GABRA4: variants seen among roughly 807,000 people sequenced by gnomAD.
GABRA4 encodes gamma-aminobutyric acid type A receptor subunit alpha4, also known as gamma-aminobutyric acid receptor subunit alpha-4.
Under a neutral mutation model 49.7 loss-of-function variants are expected in GABRA4, and 12 were observed. That is an observed-to-expected ratio of 0.24 (90% CI 0.15 to 0.39). GABRA4 has a LOEUF of 0.39. Ranked by LOEUF, GABRA4 falls within the 10% of genes least tolerant of loss-of-function variation. The pLI is 1.00. For missense variants in GABRA4, 506 were observed against 686.0 expected (o/e 0.74, Z 2.93); for synonymous variants, 288 against 240.2 (o/e 1.20, Z -1.84).
intron 7 of GABRA4, among the ~76,000 whole-genome samples, chr4:46,965,614 A>T (rs565701068): frequency 1.3e-5 from 2 of 151,092 alleles, no homozygotes; most frequent in Admixed American, 6.6e-5. Flanking sequence ...GACTCAACAG[A>T]CACACACCTC....
intron 8 of GABRA4, among the ~76,000 whole-genome samples, chr4:46,951,332 G>T (rs997591787): frequency 2.0e-5 from 3 of 150,568 alleles, no homozygotes; most frequent in Non-Finnish European, 3.0e-5. Flanking sequence ...ATTTTACAAA[G>T]ACTACATTGT....
At chr4:46,944,150 G>A (rs761456875) in intron 8 of GABRA4, among the ~76,000 whole-genome samples, 1 of 152,042 alleles carries the variant, frequency 6.6e-6, no homozygotes, top group Admixed American at 6.6e-5. Flanking sequence ...ACACAAAAAA[G>A]TATCTATGTT....
At chr4:46,930,836 C>A (rs6839457) in intron 8 of GABRA4, among the ~76,000 whole-genome samples, 127 of 141,646 alleles carry the variant, frequency 9.0e-4, no homozygotes, top group Non-Finnish European at 1.3e-3. Flanking sequence ...AAAACAAATG[C>A]AAAAAAAAAA....
rs1380283079 is a variant in GABRA4, at chr4:46,925,234, G to T, written c.*2991C>A. On this transcript the variant is annotated 3_prime_UTR_variant, in exon 9 of 9. Transcript: ENST00000264318. ...TGACTCATTTCATCAAAAAAAGTGT[G>T]ACTCTACTCTCTACCTACTTTAATA... The T allele has an allele frequency of 6.6e-6, 1 of 151,842 alleles. No individual in the cohort carries two copies. Among genetic ancestry groups the T allele is most frequent in the Non-Finnish European group, 1.5e-5 (1 of 67,856 alleles). The allele number at this position is 151,842 out of a possible 1,614,324, so 9.4% of individuals were successfully genotyped here. A position where few individuals can be genotyped will look rare whatever the true frequency, so the allele number is the denominator to read the frequency against.
intron 8 of GABRA4, among the ~76,000 whole-genome samples, chr4:46,941,567 C>T (rs188338053): frequency 4.6e-5 from 7 of 152,046 alleles, no homozygotes; most frequent in Non-Finnish European, 4.4e-5. Flanking sequence ...CTGTAGATGG[C>T]CCCTGTCAGG....
At chr4:46,932,916 T>C (rs962296887) in intron 8 of GABRA4, among the ~76,000 whole-genome samples, 3 of 152,154 alleles carry the variant, frequency 2.0e-5, no homozygotes, top group African/African-American at 7.2e-5. Flanking sequence ...TTTTGACAGT[T>C]GGAAAACTAT....
chr4:46,962,817 A>G (rs1722624073), intron 8 of GABRA4, among the ~76,000 whole-genome samples: 1 of 151,794 alleles, frequency 6.6e-6, no homozygotes, highest in Admixed American at 6.6e-5. Context: ...ACCTAAGCAA[A>G]CCCATTTTCA....
At chr4:46,936,677 G>A (rs1427284239) in intron 8 of GABRA4, among the ~76,000 whole-genome samples, 1 of 152,156 alleles carries the variant, frequency 6.6e-6, no homozygotes, top group African/African-American at 2.4e-5. Context: ...ATGTCATTAT[G>A]TATGAAAAGA....
intron 8 of GABRA4, among the ~76,000 whole-genome samples, chr4:46,941,392 G>T (rs1721784648): frequency 6.6e-6 from 1 of 151,958 alleles, no homozygotes; most frequent in African/African-American, 2.4e-5. Context: ...TGTGCTTAAG[G>T]TTTCTCCTGA....
chr4:46,935,764 C>T (rs1399602090), intron 8 of GABRA4, among the ~76,000 whole-genome samples: 1 of 151,998 alleles, frequency 6.6e-6, no homozygotes, highest in Admixed American at 6.6e-5. Flanking sequence ...ACGTGTATAC[C>T]TATGTAACAA....
At chr4:46,965,561 A>C (rs529364394) in intron 7 of GABRA4, among the ~76,000 whole-genome samples, 2 of 151,888 alleles carry the variant, frequency 1.3e-5, no homozygotes, top group Non-Finnish European at 2.9e-5. Context: ...CGCACGTAGC[A>C]CACAGTGGGA....
chr4:46,943,894 T>G (rs946972040), intron 8 of GABRA4, among the ~76,000 whole-genome samples: 2 of 152,144 alleles, frequency 1.3e-5, no homozygotes, highest in African/African-American at 4.8e-5. Context: ...TCAGGGCTTT[T>G]AGGGTATCCA....
chr4:46,959,468 T>C (rs1429850454), intron 8 of GABRA4, among the ~76,000 whole-genome samples: 2 of 151,932 alleles, frequency 1.3e-5, no homozygotes, highest in African/African-American at 4.8e-5. Context: ...CACAACCAAA[T>C]TTGATCTTCT....
chr4:46,978,687 C>CAAAAAAAAAAAAAA (rs71193889), intron 3 of GABRA4, among the ~76,000 whole-genome samples: 49 of 21,542 alleles, frequency 2.3e-3, no homozygotes, highest in Admixed American at 4.1e-3. Context: ...AACTTCATCT[C>CAAAAAAAAAAAAAA]AAAAAAAAAA....
chr4:46,953,396 T>C (rs1409086481), intron 8 of GABRA4, among the ~76,000 whole-genome samples: 2 of 152,166 alleles, frequency 1.3e-5, no homozygotes, highest in African/African-American at 2.4e-5. Flanking sequence ...AACTACCTCC[T>C]AAACTTCTTG....
chr4:46,955,730 AT>A (rs773022444), intron 8 of GABRA4, among the ~76,000 whole-genome samples: 1 of 152,104 alleles, frequency 6.6e-6, no homozygotes, highest in Non-Finnish European at 1.5e-5. Context: ...AAAGGTTTGT[AT>A]TTCAGGAGAC....
intron 7 of GABRA4, among the ~76,000 whole-genome samples, chr4:46,970,258 C>A (rs184687021): frequency 1.3e-5 from 2 of 151,536 alleles, no homozygotes; most frequent in Admixed American, 1.3e-4. Flanking sequence ...GGTAGAAAAT[C>A]AAAGAGGAAT....
At chr4:46,937,397 T>C (rs1479481801) in intron 8 of GABRA4, among the ~76,000 whole-genome samples, 1 of 152,186 alleles carries the variant, frequency 6.6e-6, no homozygotes, top group Non-Finnish European at 1.5e-5. Flanking sequence ...TCAATAAAAT[T>C]AAATTCAAGA....
chr4:46,962,814 C>A (rs898362193), intron 8 of GABRA4, among the ~76,000 whole-genome samples: 2 of 151,656 alleles, frequency 1.3e-5, no homozygotes, highest in Non-Finnish European at 3.0e-5. Flanking sequence ...CACACCTAAG[C>A]AAACCCATTT....
Sources: gnomAD v4.1 joint callset for allele counts (sites outside exome capture counted in the v4.1 genomes callset) on GRCh38, gnomAD v4.1.1 for gene constraint, MANE v1.5 for transcripts, NCBI Gene and HGNC (gene_info 2026-07-23, HGNC 2026-07-21) for gene names.